The following STAG1 variants were observed in gnomAD, a reference collection of about 807,000 sequenced individuals.
STAG1 encodes cohesin subunit SA-1.
STAG1 carries 26 observed loss-of-function variants against 170.9 expected under a neutral mutation model. That is an observed-to-expected ratio of 0.15 (90% CI 0.11 to 0.21). The LOEUF is 0.21. Among genes scored for constraint, STAG1 ranks in the 10% least tolerant of loss-of-function variants. The probability of loss-of-function intolerance (pLI) is 1.00; values close to 1 mark genes in which losing one functional copy is unlikely to be tolerated. For missense variants in STAG1, 964 were observed against 1,509.5 expected, an observed-to-expected ratio of 0.64 and a Z score of 5.99; for synonymous variants, 514 against 497.7, an observed-to-expected ratio of 1.03 and a Z score of -0.44.
intron 1 of STAG1, among the ~76,000 whole-genome samples, chr3:136,674,157 G>C (rs1284359978): frequency 3.0e-5 from 1 of 32,990 alleles, no homozygotes; most frequent in African/African-American, 1.2e-4. Flanking sequence ...GAGGGAGAGA[G>C]GGAGGGAGGG....
chr3:136,687,615 T>A (rs920082906), intron 1 of STAG1, among the ~76,000 whole-genome samples: 1 of 152,138 alleles, frequency 6.6e-6, no homozygotes, highest in Non-Finnish European at 1.5e-5. Flanking sequence ...GGATCATGGA[T>A]AGATGAGGGT....
At chr3:136,381,407 CAT>C (rs1422443287) in intron 22 of STAG1, among the ~76,000 whole-genome samples, 2 of 151,860 alleles carry the variant, frequency 1.3e-5, no homozygotes, top group Non-Finnish European at 2.9e-5. Flanking sequence ...GGTAAGAAAA[CAT>C]TAAAAAAATG....
At chr3:136,410,397 C>T (rs909868757) in intron 21 of STAG1, among the ~76,000 whole-genome samples, 2 of 151,830 alleles carry the variant, frequency 1.3e-5, no homozygotes, top group Non-Finnish European at 2.9e-5. Context: ...GAGCAAGACT[C>T]TGTTTGAAAA....
At chr3:136,356,016 A>G (rs963562667) in intron 28 of STAG1, among the ~76,000 whole-genome samples, 4 of 150,418 alleles carry the variant, frequency 2.7e-5, no homozygotes, top group African/African-American at 9.8e-5. Context: ...TCTCTATCAT[A>G]TTACCCCATT....
chr3:136,729,494 A>G (rs1933877582), intron 1 of STAG1, among the ~76,000 whole-genome samples: 1 of 151,770 alleles, frequency 6.6e-6, no homozygotes, highest in Non-Finnish European at 1.5e-5. Flanking sequence ...TAAGATCTAG[A>G]GGTTAGTCTA....
intron 14 of STAG1, 31 bp downstream of exon 14, chr3:136,452,002 A>T (rs2088956477): frequency 8.8e-6 from 12 of 1,365,666 alleles, no homozygotes; most frequent in Non-Finnish European, 1.2e-5. Context: ...ATAATAAAAG[A>T]AATAAGGAAT....
rs149065186 is a variant in STAG1, at chr3:136,513,132, G to A, written c.676+8081C>T. On this transcript the variant is annotated intron_variant, in intron 7 of 33. Coordinates refer to ENST00000383202, the MANE Select transcript of STAG1 (RefSeq NM_005862.3). ...GCCCTTTGGGAGGCCGAGGCAGGCA[G>A]ATCACCTGAGGTCAGGAGTTCGAGA... 3.2e-3 allele frequency among the ~76,000 whole-genome samples: 494 copies of A among 152,250 alleles called. 7 individuals carry two copies. The East Asian group carries it at 0.045, about 14-fold the overall frequency.
At chr3:136,747,489 G>C (rs1178945730) in intron 1 of STAG1, among the ~76,000 whole-genome samples, 1 of 152,008 alleles carries the variant, frequency 6.6e-6, no homozygotes, top group East Asian at 1.9e-4. Context: ...AGTAGTTTGA[G>C]ACCAGCCTAG....
At chr3:136,442,557 C>T (rs1193532107) in intron 15 of STAG1, among the ~76,000 whole-genome samples, 3 of 151,998 alleles carry the variant, frequency 2.0e-5, no homozygotes, top group African/African-American at 7.2e-5. Context: ...ATGACTTTAT[C>T]TCTGATTTCC....
At chr3:136,364,499 C>T (rs910005715) in intron 25 of STAG1, among the ~76,000 whole-genome samples, 1 of 151,656 alleles carries the variant, frequency 6.6e-6, no homozygotes, top group African/African-American at 2.4e-5. Context: ...CTGCTTACTT[C>T]TGGGGGGTGG....
At chr3:136,510,690 C>A (rs1241665050) in intron 7 of STAG1, among the ~76,000 whole-genome samples, 1 of 151,850 alleles carries the variant, frequency 6.6e-6, no homozygotes, top group Admixed American at 6.6e-5. Context: ...CAGCTCACTG[C>A]AACCTCCGCC....
intron 7 of STAG1, among the ~76,000 whole-genome samples, chr3:136,514,003 T>G (rs1335411149): frequency 6.6e-6 from 1 of 152,084 alleles, no homozygotes; most frequent in Non-Finnish European, 1.5e-5. Flanking sequence ...CAAGTACACA[T>G]GACAAAGAAA....
chr3:136,473,703 A>G, intron 10 of STAG1, 66 bp from the exon 11 acceptor site: 1 of 1,189,878 alleles, frequency 8.4e-7, no homozygotes, highest in Non-Finnish European at 1.2e-6. Context: ...TCAAGTCTAT[A>G]TGAAGACTAA....
At chr3:136,563,228 A>G (rs1936914469) in intron 5 of STAG1, among the ~76,000 whole-genome samples, 1 of 152,070 alleles carries the variant, frequency 6.6e-6, no homozygotes, top group Admixed American at 6.6e-5. Flanking sequence ...TCTTCATCAA[A>G]CTTCTCCCCG....
chr3:136,645,892 T>C (rs1940991864), intron 1 of STAG1, among the ~76,000 whole-genome samples: 1 of 152,198 alleles, frequency 6.6e-6, no homozygotes, highest in Admixed American at 6.5e-5. Flanking sequence ...TTAGTCTTAT[T>C]TCTGCCCTGC....
At chr3:136,531,205 A>T (rs1008879801) in intron 6 of STAG1, among the ~76,000 whole-genome samples, 2 of 150,974 alleles carry the variant, frequency 1.3e-5, no homozygotes, top group African/African-American at 4.9e-5. Flanking sequence ...CAAAACCACA[A>T]TGAGATACCA....
chr3:136,447,925 C>T lies in STAG1; in HGVS notation c.1428+4108G>A, dbSNP rs2088831411. On this transcript the variant is annotated intron_variant, in intron 14 of 33. Transcript: ENST00000383202. ...AGCCACCGCGCCTGGCTGCATCACACTTTTTATAATAAATTCTAGAGTCAT... is the reference window on the plus strand; with the variant it reads ...AGCCACCGCGCCTGGCTGCATCACATTTTTTATAATAAATTCTAGAGTCAT... 1.3e-5 allele frequency among the ~76,000 whole-genome samples: 2 copies of T among 152,050 alleles called. 1 individual carries two copies. The highest frequency in any genetic ancestry group is 1.3e-4 in the Admixed American group (2 of 15,254).
At chr3:136,435,976 T>C (rs1447297760) in intron 15 of STAG1, among the ~76,000 whole-genome samples, 1 of 151,850 alleles carries the variant, frequency 6.6e-6, no homozygotes, top group Admixed American at 6.6e-5. Flanking sequence ...CCTGTTTTTT[T>C]TGAGACAGTC....
chr3:136,367,158 T>G, intron 24 of STAG1, 76 bp from the exon 25 acceptor site: 1 of 1,212,652 alleles, frequency 8.2e-7, no homozygotes. Flanking sequence ...TCTGTATAAT[T>G]GAAAATTAGC....
Sources: gnomAD v4.1 joint callset for allele counts (sites outside exome capture counted in the v4.1 genomes callset) on GRCh38, gnomAD v4.1.1 for gene constraint, MANE v1.5 for transcripts, NCBI Gene and HGNC (gene_info 2026-07-23, HGNC 2026-07-21) for gene names.